HPS4: variants seen among roughly 807,000 people sequenced by gnomAD.
HPS4 encodes the protein HPS4 biogenesis of lysosomal organelles complex 3 subunit 2.
HPS4 carries 44 observed loss-of-function variants against 70.3 expected under a neutral mutation model. The observed-to-expected ratio is 0.63, with a 90% CI of 0.49 to 0.80. HPS4 has a LOEUF of 0.80. HPS4 is among the 30% of genes least tolerant of loss of function. The probability of loss-of-function intolerance (pLI) is 0.00; values close to 1 mark genes in which losing one functional copy is unlikely to be tolerated. For synonymous variants in HPS4, 377 were observed against 355.9 expected (o/e 1.06, Z -0.67); for missense variants, 873 against 884.4 (o/e 0.99, Z 0.16).
At chr22:26,462,759 C>T (rs1001968972) in intron 11 of HPS4, among the ~76,000 whole-genome samples, 1 of 152,140 alleles carries the variant, frequency 6.6e-6, no homozygotes, top group Non-Finnish European at 1.5e-5. Context: ...AACACTGCAG[C>T]CACAACTCCC....
chr22:26,447,989 T>C (rs2085011758), downstream of HPS4, among the ~76,000 whole-genome samples: 1 of 152,236 alleles, frequency 6.6e-6, no homozygotes, highest in East Asian at 1.9e-4. Context: ...CAATTGCACA[T>C]TTAACACATG....
chr22:26,465,903 C>T, intron 9 of HPS4: 1 of 649,878 alleles, frequency 1.5e-6, no homozygotes, highest in Non-Finnish European at 2.6e-6. Flanking sequence ...GCCTCCACAT[C>T]CTGCAAAAGG....
At chr22:26,473,568 CA>C (rs2090129934) in intron 4 of HPS4, among the ~76,000 whole-genome samples, 1 of 152,150 alleles carries the variant, frequency 6.6e-6, no homozygotes, top group South Asian at 2.1e-4. Context: ...TCCTGACCAA[CA>C]TGGTGAAACC....
rs1473840362 is a variant in HPS4 at position 26,452,356 on chromosome 22, C to A, written c.*877G>T. 1 of 456,598 alleles carries A rather than the reference C, an allele frequency of 2.2e-6. No homozygotes were observed. Among genetic ancestry groups the A allele is most frequent in the Non-Finnish European group, 4.4e-6 (1 of 226,990 alleles). The allele number at this position is 456,598 out of a possible 1,614,324, so 28.3% of individuals were successfully genotyped here. A position where few individuals can be genotyped will look rare whatever the true frequency, so the allele number is the denominator to read the frequency against. ...ACTGAGGTTCTAAGTACCACACAAG[C>A]CCAGGAACACACAGCTGAGTGTCGC... On this transcript the variant is annotated 3_prime_UTR_variant, in exon 14 of 14. Transcript: ENST00000398145.
At chr22:26,463,892 C>T (rs1366464287) in intron 11 of HPS4, 25 bp downstream of exon 11, 6 of 1,609,662 alleles carry the variant, frequency 3.7e-6, no homozygotes, top group Non-Finnish European at 5.1e-6. Context: ...CGCAGAGGGG[C>T]AGGAGAAGGT....
At chr22:26,466,017 G>T (rs571112907) in intron 9 of HPS4, 1 of 1,500,700 alleles carries the variant, frequency 6.7e-7, no homozygotes, top group African/African-American at 1.4e-5. Context: ...CTGAAAGCAG[G>T]GATTTGACAG....
rs752507059 is a variant in HPS4 at position 26,464,492 on chromosome 22, C to T, written c.1138G>A (p.Val380Met). Residue 380 changes from valine to methionine, a missense_variant, in exon 11 of 14, where the codon GTG becomes ATG. Coordinates refer to ENST00000398145, the MANE Select transcript of HPS4 (RefSeq NM_022081.6). ...SEIHIPEAQE[V>M]EMASGHFAFL... ...GCAAAATGACCTGAGGCCATTTCCA[C>T]TTCCTGAGCCTCTGGAATGTGGATT... 1 of 1,614,220 alleles carries T rather than the reference C, an allele frequency of 6.2e-7. No individual in the cohort carries two copies. The highest frequency in any genetic ancestry group is 2.2e-5 in the East Asian group (1 of 44,888).
At position 26,452,714 on chromosome 22, in the gene HPS4, G is replaced by A. The variant is rs745672037; in HGVS notation, c.*519C>T. The A allele has an allele frequency of 2.0e-5, 5 of 252,782 alleles. No individual in the cohort carries two copies. The highest frequency in any genetic ancestry group is 6.8e-5 in the African/African-American group (3 of 44,060). The allele number at this position is 252,782 out of a possible 1,614,324, so 15.7% of individuals were successfully genotyped here. On this transcript the variant is annotated 3_prime_UTR_variant, in exon 14 of 14. Transcript: ENST00000398145. ...TGCCGCTTCCCTGCAGGAACGATCC[G>A]GACCTCCCAGCAAGAGCGCACTGGA...
intron 4 of HPS4, 160 bp from the exon 5 acceptor site, chr22:26,473,099 T>A: frequency 2.9e-6 from 2 of 684,226 alleles, no homozygotes; most frequent in Non-Finnish European, 5.3e-6. Context: ...GCCAAGTTAA[T>A]CTCCATGGAC....
chr22:26,471,035 G>A, intron 6 of HPS4: 1 of 857,592 alleles, frequency 1.2e-6, no homozygotes. Flanking sequence ...TTAGAACAAG[G>A]AGGCCTGTCC....
At chr22:26,473,940 A>G (rs1602045520) in intron 4 of HPS4, among the ~76,000 whole-genome samples, 1 of 152,224 alleles carries the variant, frequency 6.6e-6, no homozygotes, top group Non-Finnish European at 1.5e-5. Context: ...ACAGTAGCAC[A>G]AGGATCTTTG....
chr22:26,466,584 T>C (rs1229460105), intron 8 of HPS4: 1 of 476,758 alleles, frequency 2.1e-6, no homozygotes, highest in Non-Finnish European at 3.8e-6. Flanking sequence ...TGTTCTCTTT[T>C]ACACCTTTGG....
intron 4 of HPS4, among the ~76,000 whole-genome samples, chr22:26,473,753 AG>A: frequency 6.6e-6 from 1 of 152,278 alleles, no homozygotes; most frequent in Middle Eastern, 3.4e-3. Flanking sequence ...AAAAAAAAAA[AG>A]TACTTGCTGA....
intron 3 of HPS4, among the ~76,000 whole-genome samples, chr22:26,477,591 T>A (rs1195763835): frequency 6.6e-6 from 1 of 152,118 alleles, no homozygotes; most frequent in Non-Finnish European, 1.5e-5. Flanking sequence ...CAGGAGGGAA[T>A]GTACAGAATC....
At position 26,464,681 on chromosome 22, in the gene HPS4, C is replaced by A. The variant is rs753803734; in HGVS notation, c.949G>T (p.Ala317Ser). 2.5e-6 allele frequency: 4 copies of A among 1,610,400 alleles called. No homozygotes were observed. The highest frequency in any genetic ancestry group is 3.4e-6 in the Non-Finnish European group (4 of 1,177,052). Residue 317 changes from alanine to serine, a missense_variant, in exon 11 of 14, where the codon GCT (alanine) becomes TCT (serine). Transcript: ENST00000398145. ...TTPDPTSPDE[A>S]CPDGRKENGC... ...TTCTCCTTCCTGCCATCTGGACAAG[C>A]TTCGTCAGGGGATGTGGGATCTGGG...
chr22:26,470,902 G>A (rs968190009), intron 6 of HPS4, 89 bp from the exon 7 acceptor site: 2 of 1,574,998 alleles, frequency 1.3e-6, no homozygotes, highest in African/African-American at 1.3e-5. Flanking sequence ...CAGAACAGCT[G>A]GACAGGGTGT....
chr22:26,457,814 C>T, intron 13 of HPS4, 45 bp downstream of exon 13: 1 of 1,456,886 alleles, frequency 6.9e-7, no homozygotes, highest in Non-Finnish European at 9.6e-7. Context: ...TTCCCATGAG[C>T]AGGACCGTGG....
At chr22:26,463,731 C>A (rs1026850105) in intron 11 of HPS4, among the ~76,000 whole-genome samples, 186 bp downstream of exon 11, 3 of 152,230 alleles carry the variant, frequency 2.0e-5, no homozygotes, top group African/African-American at 7.2e-5. Context: ...CTCACTCTTA[C>A]CCCCCACAAA....
chr22:26,465,421 T>C, intron 10 of HPS4, 34 bp downstream of exon 10: 1 of 1,452,734 alleles, frequency 6.9e-7, no homozygotes, highest in Non-Finnish European at 9.7e-7. Flanking sequence ...CCCTCAGGTG[T>C]GGTGCAAGGT....
Sources: allele counts gnomAD v4.1 joint callset (sites outside exome capture counted in the v4.1 genomes callset), GRCh38; gene constraint gnomAD v4.1.1; transcripts MANE v1.5; gene names NCBI Gene and HGNC (gene_info 2026-07-23, HGNC 2026-07-21).